The following VPS50 variants were observed in gnomAD, a reference collection of about 807,000 sequenced individuals.
The protein encoded by VPS50 is syndetin.
VPS50 carries 70 observed loss-of-function variants against 139.7 expected under a neutral mutation model. The ratio of observed to expected loss-of-function variants is 0.50; its 90% CI spans 0.41 to 0.61. The LOEUF is 0.61. VPS50 is among the 20% of genes least tolerant of loss of function. The probability of loss-of-function intolerance (pLI) is 0.00; values close to 1 mark genes in which losing one functional copy is unlikely to be tolerated. For synonymous variants in VPS50, 365 were observed against 376.7 expected (o/e 0.97, Z 0.36); for missense variants, 921 against 1,133.7 (o/e 0.81, Z 2.69).
intron 21 of VPS50, among the ~76,000 whole-genome samples, chr7:93,330,843 G>A (rs1797919920): frequency 6.6e-6 from 1 of 150,894 alleles, no homozygotes. Flanking sequence ...TAAGGCATAT[G>A]GATTGGAAAA....
Position 93,276,229 on chromosome 7 carries a change from T to C in VPS50, c.866T>C (p.Val289Ala), listed in dbSNP as rs368851885. The C allele has an allele frequency of 1.2e-6, 2 of 1,613,572 alleles. No individual in the cohort carries two copies. The highest frequency in any genetic ancestry group is 1.7e-6 in the Non-Finnish European group (2 of 1,179,734). ...QAIHNTVFQV[V>A]LGYVELCAGN... ...ATTCACAACACCGTGTTTCAAGTTGTTCTTGGTTATGTGGAACTATGTGCA... is the reference window on the plus strand; with the variant it reads ...ATTCACAACACCGTGTTTCAAGTTGCTCTTGGTTATGTGGAACTATGTGCA... Residue 289 changes from valine (V) to alanine (A), a missense_variant, in exon 12 of 28, where the codon GTT becomes GCT. Physicochemically the swap from Val to Ala is moderately conservative, Grantham distance 64. This residue lies in a region of VPS50 where 744 missense variants were observed against 930.6 expected (regional missense o/e 0.80). Coordinates refer to ENST00000305866, the MANE Select transcript of VPS50 (RefSeq NM_017667.4).
At chr7:93,263,831 G>A (rs1284568664) in intron 9 of VPS50, among the ~76,000 whole-genome samples, 7 of 151,968 alleles carry the variant, frequency 4.6e-5, no homozygotes, top group Admixed American at 4.6e-4. Flanking sequence ...GCTGAAAATG[G>A]AAAATATTTG....
At chr7:93,319,404 T>A (rs1305417452) in intron 20 of VPS50, among the ~76,000 whole-genome samples, 2 of 152,220 alleles carry the variant, frequency 1.3e-5, no homozygotes, top group Non-Finnish European at 1.5e-5. Context: ...CCCTATGGTC[T>A]AGTTATTTCC....
intron 12 of VPS50, among the ~76,000 whole-genome samples, chr7:93,278,080 TTG>T (rs1044676864): frequency 6.6e-6 from 1 of 152,114 alleles, no homozygotes; most frequent in African/African-American, 2.4e-5. Context: ...GTTAAATCTG[TTG>T]TGTGTGTTTG....
chr7:93,343,553 G>A (rs1466660779), intron 23 of VPS50, among the ~76,000 whole-genome samples: 2 of 152,114 alleles, frequency 1.3e-5, no homozygotes, highest in Non-Finnish European at 2.9e-5. Context: ...AAGTTGAAAT[G>A]AAGGAAAAAA....
At chr7:93,238,172 G>C (rs17165196) in intron 1 of VPS50, among the ~76,000 whole-genome samples, 33,041 of 152,098 alleles carry the variant, frequency 0.22, 5,547 homozygotes, top group African/African-American at 0.44. Flanking sequence ...TTCTTTACCA[G>C]TTTTGATGCT....
intron 21 of VPS50, among the ~76,000 whole-genome samples, chr7:93,330,357 T>C (rs999689765): frequency 6.6e-6 from 1 of 152,280 alleles, no homozygotes; most frequent in African/African-American, 2.4e-5. Flanking sequence ...CAAACTCAAC[T>C]AATCATTACA....
At chr7:93,240,243 ACACACACTCTCTCT>A (rs1390175424) in intron 2 of VPS50, among the ~76,000 whole-genome samples, 3 of 146,218 alleles carry the variant, frequency 2.1e-5, no homozygotes, top group Non-Finnish European at 3.0e-5. Flanking sequence ...ACACACACAC[ACACACACTCTCTCT>A]CTCTCTCTCT....
intron 26 of VPS50, among the ~76,000 whole-genome samples, chr7:93,354,270 CT>C (rs1798635266): frequency 6.7e-6 from 1 of 149,240 alleles, no homozygotes; most frequent in Admixed American, 6.7e-5. Context: ...ATATGTACCC[CT>C]GATTTCTTTT....
chr7:93,293,485 A>G (rs954076572), intron 13 of VPS50, among the ~76,000 whole-genome samples: 1 of 152,154 alleles, frequency 6.6e-6, no homozygotes, highest in African/African-American at 2.4e-5. Context: ...TTTTATGGAT[A>G]TTCAAGTGCT....
At chr7:93,277,030 C>T (rs921809864) in intron 12 of VPS50, among the ~76,000 whole-genome samples, 2 of 152,082 alleles carry the variant, frequency 1.3e-5, no homozygotes, top group Non-Finnish European at 2.9e-5. Flanking sequence ...GAGTCATCAG[C>T]ATCTACTTGT....
At chr7:93,253,322 T>C (rs1795390176) in intron 3 of VPS50, among the ~76,000 whole-genome samples, 1 of 152,238 alleles carries the variant, frequency 6.6e-6, no homozygotes, top group South Asian at 2.1e-4. Flanking sequence ...ATTGTTTCCC[T>C]GTATATGGTA....
chr7:93,275,301 A>G (rs991344195), intron 11 of VPS50, among the ~76,000 whole-genome samples: 2 of 152,198 alleles, frequency 1.3e-5, no homozygotes, highest in African/African-American at 4.8e-5. Flanking sequence ...TACTGTGGAT[A>G]AAATGCTATC....
At chr7:93,357,901 C>G (rs1798750771) in intron 27 of VPS50, among the ~76,000 whole-genome samples, 1 of 151,502 alleles carries the variant, frequency 6.6e-6, no homozygotes, top group Non-Finnish European at 1.5e-5. Flanking sequence ...TTTTTTTTAA[C>G]TAAAGTGTTT....
At chr7:93,241,796 A>G (rs928989501) in intron 2 of VPS50, among the ~76,000 whole-genome samples, 4 of 151,944 alleles carry the variant, frequency 2.6e-5, no homozygotes, top group African/African-American at 9.7e-5. Context: ...AATGTTCAGT[A>G]TTTTTTCACA....
chr7:93,328,072 G>A (rs536686784), intron 21 of VPS50, among the ~76,000 whole-genome samples: 1 of 152,300 alleles, frequency 6.6e-6, no homozygotes, highest in South Asian at 2.1e-4. Context: ...GCTATTCACT[G>A]AACTGGTTAT....
At chr7:93,284,854 T>C (rs1176358134) in intron 12 of VPS50, among the ~76,000 whole-genome samples, 1 of 152,208 alleles carries the variant, frequency 6.6e-6, no homozygotes, top group Admixed American at 6.5e-5. Flanking sequence ...CTTTCCACTA[T>C]GCAGTACTAC....
chr7:93,258,212 C>G lies in VPS50; in HGVS notation c.476C>G (p.Ala159Gly). ...GFTQASLGLL[A>G]NQRKRQLLIG... Reference sequence around the variant, plus strand: ...ACTCAAGCTAGTTTAGGCCTTCTTGCAAATCAAAGGAAACGTCAGTTGCTG... The same window carrying G: ...ACTCAAGCTAGTTTAGGCCTTCTTGGAAATCAAAGGAAACGTCAGTTGCTG... Residue 159 changes from alanine (A) to glycine (G), a missense_variant, in exon 7 of 28, where the codon GCA (alanine) becomes GGA (glycine). Transcript: ENST00000305866. The G allele has an allele frequency of 6.2e-7, 1 of 1,602,958 alleles. No individual in the cohort carries two copies.
chr7:93,267,811 T>C (rs1262665065), intron 9 of VPS50, among the ~76,000 whole-genome samples: 1 of 152,232 alleles, frequency 6.6e-6, no homozygotes, highest in Non-Finnish European at 1.5e-5. Context: ...GTCTGGAGTT[T>C]GGTTCAGGTG....
Sources: allele counts gnomAD v4.1 joint callset (sites outside exome capture counted in the v4.1 genomes callset), GRCh38; gene constraint gnomAD v4.1.1; regional missense constraint gnomAD v4.1.1; transcripts MANE v1.5; gene names NCBI Gene and HGNC (gene_info 2026-07-23, HGNC 2026-07-21).